Variants in RANBP17 observed in about 807,000 individuals in gnomAD.
RANBP17 encodes the protein ran-binding protein 17.
Under a neutral mutation model 141.2 loss-of-function variants are expected in RANBP17, and 158 were observed. The ratio of observed to expected loss-of-function variants is 1.12; its 90% confidence interval spans 0.98 to 1.28. The LOEUF is 1.28. RANBP17 is among the 50% of genes most tolerant of loss of function. RANBP17 has a pLI of 0.00. For synonymous variants in RANBP17, 430 were observed against 450.0 expected, an observed-to-expected ratio of 0.96 and a Z score of 0.56; for missense variants, 1,438 against 1,290.7, an observed-to-expected ratio of 1.11 and a Z score of -1.75.
intron 14 of RANBP17, among the ~76,000 whole-genome samples, chr5:171,131,173 G>T (rs1756889030): frequency 6.6e-6 from 1 of 152,088 alleles, no homozygotes; most frequent in South Asian, 2.1e-4. Context: ...CTGTTATAAG[G>T]ATTAGAGGAG....
intron 14 of RANBP17, among the ~76,000 whole-genome samples, chr5:171,125,932 C>G (rs576943281): frequency 6.6e-6 from 1 of 151,902 alleles, no homozygotes; most frequent in Non-Finnish European, 1.5e-5. Flanking sequence ...GGGTTACAGG[C>G]GCGCACCACC....
intron 25 of RANBP17, 109 bp downstream of exon 25, chr5:171,265,956 TAA>T: frequency 1.2e-6 from 1 of 827,648 alleles, no homozygotes; most frequent in Non-Finnish European, 1.9e-6. Flanking sequence ...TTTATACTGG[TAA>T]AAAATATATA....
chr5:171,026,223 A>T lies in RANBP17; in HGVS notation c.1710+57846A>T, dbSNP rs138442617. On this transcript the variant is annotated intron_variant, in intron 14 of 27. Transcript: ENST00000523189. Reference sequence around the variant, plus strand: ...AGAAACTCCCATGTGCTTGCTGTTCACTAGGCTACATACACAATCTTATTT... The same window carrying T: ...AGAAACTCCCATGTGCTTGCTGTTCTCTAGGCTACATACACAATCTTATTT... Among the ~76,000 whole-genome samples, 519 of 152,340 alleles carry T rather than the reference A, an allele frequency of 3.4e-3. 2 individuals are homozygous for T. Among genetic ancestry groups the T allele is most frequent in the African/African-American group, 0.012 (483 of 41,586 alleles).
chr5:171,099,094 G>T (rs1325574582), intron 14 of RANBP17, among the ~76,000 whole-genome samples: 1 of 151,990 alleles, frequency 6.6e-6, no homozygotes, highest in Non-Finnish European at 1.5e-5. Flanking sequence ...ATGGCTATAC[G>T]GGCTCTTTTT....
intron 15 of RANBP17, 59 bp from the exon 16 acceptor site, chr5:171,171,147 G>C: frequency 7.9e-6 from 7 of 891,052 alleles, no homozygotes; most frequent in Admixed American, 2.3e-5. Context: ...TGTATTCTCT[G>C]GTTCTCCTTA....
chr5:170,999,439 A>G (rs1349041125), intron 14 of RANBP17, among the ~76,000 whole-genome samples: 1 of 152,130 alleles, frequency 6.6e-6, no homozygotes, highest in Non-Finnish European at 1.5e-5. Flanking sequence ...TAGGCTGAGT[A>G]TATAATTACT....
intron 14 of RANBP17, among the ~76,000 whole-genome samples, chr5:171,101,245 G>A (rs1787139182): frequency 6.6e-6 from 1 of 152,066 alleles, no homozygotes; most frequent in African/African-American, 2.4e-5. Context: ...TCTCTTTTTA[G>A]GCCTTTCAGA....
intron 14 of RANBP17, among the ~76,000 whole-genome samples, chr5:171,029,986 C>T (rs2127616583): frequency 6.6e-6 from 1 of 152,124 alleles, no homozygotes; most frequent in South Asian, 2.1e-4. Flanking sequence ...CTGACTTTCA[C>T]CCACACATAG....
intron 13 of RANBP17, among the ~76,000 whole-genome samples, chr5:170,955,125 A>G (rs533399726): frequency 1.3e-5 from 2 of 152,000 alleles, no homozygotes; most frequent in African/African-American, 2.4e-5. Context: ...CACCACCCCA[A>G]ACCCCATCCA....
intron 20 of RANBP17, among the ~76,000 whole-genome samples, chr5:171,208,955 G>A (rs922387715): frequency 3.3e-5 from 5 of 152,196 alleles, no homozygotes; most frequent in African/African-American, 1.2e-4. Context: ...CACTTATTCA[G>A]CAAAGTGGGC....
intron 14 of RANBP17, among the ~76,000 whole-genome samples, chr5:171,162,151 G>A (rs1187107599): frequency 1.3e-5 from 2 of 152,146 alleles, no homozygotes; most frequent in African/African-American, 2.4e-5. Context: ...AATGGGCTTG[G>A]GGAGATAATA....
intron 18 of RANBP17, among the ~76,000 whole-genome samples, chr5:171,195,113 C>T (rs1010745823): frequency 6.6e-6 from 1 of 152,168 alleles, no homozygotes; most frequent in African/African-American, 2.4e-5. Context: ...TTCACATTTA[C>T]TTTTCCTGAT....
At chr5:170,974,094 A>G (rs1390574485) in intron 14 of RANBP17, among the ~76,000 whole-genome samples, 1 of 152,140 alleles carries the variant, frequency 6.6e-6, no homozygotes, top group Non-Finnish European at 1.5e-5. Context: ...TTAGTCCCCA[A>G]AGTCTTAGTT....
chr5:170,879,486 C>T (rs1768481475), intron 2 of RANBP17, among the ~76,000 whole-genome samples: 1 of 152,120 alleles, frequency 6.6e-6, no homozygotes, highest in Non-Finnish European at 1.5e-5. Flanking sequence ...TAACTTTTGA[C>T]AATGTGGGAA....
intron 14 of RANBP17, among the ~76,000 whole-genome samples, chr5:170,969,360 G>T (rs566040845): frequency 6.6e-6 from 1 of 151,780 alleles, no homozygotes; most frequent in Admixed American, 6.6e-5. Context: ...CCATTTGGAA[G>T]AAAAAGAGTA....
intron 14 of RANBP17, among the ~76,000 whole-genome samples, chr5:171,147,058 A>T (rs1365984324): frequency 6.6e-6 from 1 of 152,160 alleles, no homozygotes; most frequent in Non-Finnish European, 1.5e-5. Flanking sequence ...AGGACATTTG[A>T]TGATATTTAA....
At position 171,181,379 on chromosome 5, in the gene RANBP17, G is replaced by A. The variant is rs191754552; in HGVS notation, c.1866-1788G>A. 3.0e-3 allele frequency among the ~76,000 whole-genome samples: 463 copies of A among 152,050 alleles called. 4 individuals carry two copies. The highest frequency in any genetic ancestry group is 9.6e-3 in the African/African-American group (400 of 41,470). ...GCAGGAGAATCACTTGAACCTGGGC[G>A]GGAAGAGGTTGCAGTGAGCTGAGAT... is the stretch of plus-strand genomic sequence containing the variant. On this transcript the variant is annotated intron_variant, in intron 16 of 27. Coordinates refer to ENST00000523189, the MANE Select transcript of RANBP17 (RefSeq NM_022897.5).
At chr5:171,101,849 A>T (rs1477144673) in intron 14 of RANBP17, among the ~76,000 whole-genome samples, 1 of 152,156 alleles carries the variant, frequency 6.6e-6, no homozygotes, top group African/African-American at 2.4e-5. Flanking sequence ...TCCTTTACTT[A>T]TGAAGCTTAG....
intron 12 of RANBP17, among the ~76,000 whole-genome samples, chr5:170,949,241 G>C (rs1775012936): frequency 6.6e-6 from 1 of 152,080 alleles, no homozygotes; most frequent in Non-Finnish European, 1.5e-5. Context: ...AGACAAATTA[G>C]ATAAAACAGA....
Sources: gnomAD v4.1 joint callset for allele counts (sites outside exome capture counted in the v4.1 genomes callset) on GRCh38, gnomAD v4.1.1 for gene constraint, MANE v1.5 for transcripts, NCBI Gene and HGNC (gene_info 2026-07-23, HGNC 2026-07-21) for gene names.